Variants in SDC1 observed in about 807,000 individuals in gnomAD.
SDC1 encodes the protein syndecan-1.
In SDC1, 14 loss-of-function variants were observed where a neutral mutation model predicts 29.7. The ratio of observed to expected loss-of-function variants is 0.47; its 90% CI spans 0.31 to 0.74. The LOEUF is 0.74. Ranked by LOEUF, SDC1 falls within the 30% of genes least tolerant of loss-of-function variation. The pLI, the probability that SDC1 is intolerant of heterozygous loss-of-function variation, is 0.05. For synonymous variants in SDC1, 204 were observed against 175.5 expected (o/e 1.16, Z -1.29); for missense variants, 406 against 400.3 (o/e 1.01, Z -0.12).
At chr2:20,216,430 G>A (rs1677628444) in intron 1 of SDC1, among the ~76,000 whole-genome samples, 1 of 152,214 alleles carries the variant, frequency 6.6e-6, no homozygotes, top group African/African-American at 2.4e-5. Flanking sequence ...GGGAGAAGCT[G>A]GAATGACACC....
At chr2:20,219,244 G>A (rs1470571622) in intron 1 of SDC1, among the ~76,000 whole-genome samples, 1 of 152,094 alleles carries the variant, frequency 6.6e-6, no homozygotes, top group Non-Finnish European at 1.5e-5. Context: ...CCCTCCCCGA[G>A]ATCCCCACAG....
chr2:20,208,917 A>G (rs1372254375), intron 1 of SDC1, among the ~76,000 whole-genome samples: 1 of 152,228 alleles, frequency 6.6e-6, no homozygotes, highest in Non-Finnish European at 1.5e-5. Context: ...TCTGTTGTTC[A>G]AAGCAAGGGA....
At chr2:20,225,406 G>C (rs925825405), upstream of SDC1, 1 of 152,370 alleles carries the variant, frequency 6.6e-6, no homozygotes, top group Non-Finnish European at 1.5e-5. Context: ...CCCGGAGTGC[G>C]GAGGCGCAGC....
intron 1 of SDC1, among the ~76,000 whole-genome samples, chr2:20,209,428 GA>G: frequency 6.6e-6 from 1 of 152,258 alleles, no homozygotes; most frequent in East Asian, 1.9e-4. Flanking sequence ...CAGTTTTAAG[GA>G]AAACCTGTCT....
At chr2:20,206,521 G>T (rs544258254) in intron 1 of SDC1, among the ~76,000 whole-genome samples, 29 of 152,342 alleles carry the variant, frequency 1.9e-4, no homozygotes, top group African/African-American at 6.7e-4. Context: ...CCAGCAGCCA[G>T]GTGGCGAGAA....
At chr2:20,217,442 G>A (rs906111713) in intron 1 of SDC1, among the ~76,000 whole-genome samples, 1 of 152,138 alleles carries the variant, frequency 6.6e-6, no homozygotes, top group Non-Finnish European at 1.5e-5. Context: ...CAGGCCCCCA[G>A]ATACCCACCA....
At chr2:20,222,110 C>CACACACAG (rs557201293) in intron 1 of SDC1, among the ~76,000 whole-genome samples, 10 of 151,204 alleles carry the variant, frequency 6.6e-5, no homozygotes, top group African/African-American at 2.4e-4. Context: ...CACACACACA[C>CACACACAG]AGAGAGAAAG....
intron 1 of SDC1, among the ~76,000 whole-genome samples, chr2:20,222,505 C>T (rs753173029): frequency 6.6e-6 from 1 of 152,152 alleles, no homozygotes; most frequent in African/African-American, 2.4e-5. Flanking sequence ...AAAAAGAACA[C>T]CTAAGCTTCA....
chr2:20,223,338 C>T (rs1677881499), intron 1 of SDC1: 2 of 1,266,506 alleles, frequency 1.6e-6, no homozygotes, highest in Non-Finnish European at 1.0e-6. Flanking sequence ...CGAGGCAACG[C>T]TTACGGAGGG....
chr2:20,210,481 A>C (rs1191899271), intron 1 of SDC1, among the ~76,000 whole-genome samples: 1 of 152,230 alleles, frequency 6.6e-6, no homozygotes, highest in Non-Finnish European at 1.5e-5. Context: ...TGAAGCCCCC[A>C]AACCAACTCA....
At chr2:20,214,840 A>C (rs941293092) in intron 1 of SDC1, among the ~76,000 whole-genome samples, 1 of 152,128 alleles carries the variant, frequency 6.6e-6, no homozygotes, top group African/African-American at 2.4e-5. Flanking sequence ...GATCATAGCT[A>C]ATGTTTATTG....
rs371493707 is a variant in SDC1 at position 20,215,193 on chromosome 2, A to G, written c.66+9609T>C. Among the ~76,000 whole-genome samples, 32 of 152,364 alleles carry G rather than the reference A, an allele frequency of 2.1e-4. 1 individual carries two copies. In the East Asian group the frequency reaches 3.9e-3, roughly 18 times the overall value. ...ACCCAGCTCCTTCTCCAGGACAGCC[A>G]TCAGTCTGAAGTTCTGGGGACAGGC... is the stretch of plus-strand genomic sequence containing the variant. On this transcript the variant is annotated intron_variant, in intron 1 of 4. Coordinates refer to ENST00000254351, the MANE Select transcript of SDC1 (RefSeq NM_002997.5).
At chr2:20,221,454 G>A (rs1039360921) in intron 1 of SDC1, among the ~76,000 whole-genome samples, 1 of 152,176 alleles carries the variant, frequency 6.6e-6, no homozygotes, top group African/African-American at 2.4e-5. Context: ...AAATCCAGGA[G>A]ACAATGTCCT....
chr2:20,203,868 G>A lies in SDC1; in HGVS notation c.572C>T (p.Ala191Val), dbSNP rs1183712892. 4 of 1,610,728 alleles carry A rather than the reference G, an allele frequency of 2.5e-6. No individual in the cohort carries two copies. The highest frequency in any genetic ancestry group is 1.7e-6 in the Non-Finnish European group (2 of 1,178,948). Residue 191 changes from alanine (A) to valine (V), a missense_variant, in exon 3 of 5, where the codon GCT (alanine) becomes GTT (valine). By Grantham distance (64) the Ala-to-Val change is moderately conservative. Transcript: ENST00000254351. ...EDGGPSATER[A>V]AEDGASSQLP... ...CTGACTGGAGGCTCCATCCTCAGCA[G>A]CCCTCTCGGTGGCAGAAGGACCTCC...
chr2:20,209,213 AC>A (rs1382091594), intron 1 of SDC1, among the ~76,000 whole-genome samples: 1 of 152,140 alleles, frequency 6.6e-6, no homozygotes, highest in Non-Finnish European at 1.5e-5. Flanking sequence ...AACACTTTCC[AC>A]CCATTCCTCT....
rs553806444 is a variant in SDC1 at position 20,202,620 on chromosome 2, G to T, written c.*146C>A. The T allele has an allele frequency of 2.6e-6, 2 of 779,864 alleles. No individual in the cohort carries two copies. Among genetic ancestry groups the T allele is most frequent in the Non-Finnish European group, 4.2e-6 (2 of 476,230 alleles). The allele number at this position is 779,864 out of a possible 1,614,324, so 48.3% of individuals were successfully genotyped here. On this transcript the variant is annotated 3_prime_UTR_variant, in exon 5 of 5. Coordinates refer to ENST00000254351, the MANE Select transcript of SDC1 (RefSeq NM_002997.5). Reference sequence around the variant, plus strand: ...GAGTGGAGCTCCCAGCACACCCCACGACTCCGTGGGCAGGAGCGACCAGAG... The same window carrying T: ...GAGTGGAGCTCCCAGCACACCCCACTACTCCGTGGGCAGGAGCGACCAGAG...
intron 1 of SDC1, among the ~76,000 whole-genome samples, chr2:20,206,556 C>T (rs912161277): frequency 1.3e-5 from 2 of 152,176 alleles, no homozygotes; most frequent in Non-Finnish European, 2.9e-5. Context: ...GCCCTATTCA[C>T]CTGCGAGACT....
intron 1 of SDC1, among the ~76,000 whole-genome samples, chr2:20,221,542 G>C (rs186970973): frequency 2.9e-4 from 44 of 152,312 alleles, no homozygotes; most frequent in Non-Finnish European, 5.7e-4. Context: ...GTTGATAAAG[G>C]AAGGGAAATA....
In SDC1 at chr2:20,202,011, C is replaced by G; in HGVS notation, c.*755G>C. The G allele has an allele frequency of 4.3e-6, 2 of 469,034 alleles. No homozygotes were observed. The highest frequency in any genetic ancestry group is 4.1e-5 in the Admixed American group (1 of 24,466). The allele number at this position is 469,034 out of a possible 1,614,324, so 29.1% of individuals were successfully genotyped here. A position where few individuals can be genotyped will look rare whatever the true frequency, so the allele number is the denominator to read the frequency against. ...GGGGCCACCAGACAGATAGTCCATA[C>G]CCTGTTGCACACATGAGCGACAAAC... is the stretch of plus-strand genomic sequence containing the variant. On this transcript the variant is annotated 3_prime_UTR_variant, in exon 5 of 5. Transcript: ENST00000254351.
Sources: gnomAD v4.1 joint callset for allele counts (sites outside exome capture counted in the v4.1 genomes callset) on GRCh38, gnomAD v4.1.1 for gene constraint, MANE v1.5 for transcripts, NCBI Gene and HGNC (gene_info 2026-07-23, HGNC 2026-07-21) for gene names.